MYLK4: variants seen among roughly 807,000 people sequenced by gnomAD.
MYLK4 encodes the protein myosin light chain kinase family member 4, also known as caMLCK like.
In MYLK4, 46 loss-of-function variants were observed where a neutral mutation model predicts 48.1. The observed-to-expected ratio is 0.96, with a 90% CI of 0.75 to 1.22. The LOEUF (loss-of-function observed/expected upper bound fraction) is 1.22. MYLK4 is among the 50% of genes most tolerant of loss of function. MYLK4 has a pLI of 0.00. For synonymous variants in MYLK4, 170 were observed against 180.8 expected (o/e 0.94, Z 0.48); for missense variants, 451 against 486.1 (o/e 0.93, Z 0.68).
intron 2 of MYLK4, among the ~76,000 whole-genome samples, chr6:2,707,782 G>T (rs1463052283): frequency 6.6e-6 from 1 of 151,956 alleles, no homozygotes; most frequent in Non-Finnish European, 1.5e-5. Flanking sequence ...AAGAAAATCT[G>T]CATTCTATAA....
chr6:2,680,611 C>G, intron 7 of MYLK4: 1 of 969,490 alleles, frequency 1.0e-6, no homozygotes, highest in Non-Finnish European at 1.2e-6. Flanking sequence ...TGTGGAGGCC[C>G]GCTCAGGCCT....
upstream of MYLK4, among the ~76,000 whole-genome samples, chr6:2,755,282 A>C (rs1248798804): frequency 6.6e-6 from 1 of 152,194 alleles, no homozygotes; most frequent in East Asian, 1.9e-4. Flanking sequence ...ATTTGCAAGC[A>C]TAGTACAATG....
At chr6:2,727,831 C>T (rs1763329523) in intron 2 of MYLK4, among the ~76,000 whole-genome samples, 1 of 151,676 alleles carries the variant, frequency 6.6e-6, no homozygotes, top group Non-Finnish European at 1.5e-5. Flanking sequence ...CCTGTAATCC[C>T]AACTACTCAG....
intron 2 of MYLK4, among the ~76,000 whole-genome samples, chr6:2,720,929 G>A (rs1763047535): frequency 6.6e-6 from 1 of 152,114 alleles, no homozygotes; most frequent in African/African-American, 2.4e-5. Context: ...TTGGGAGGTT[G>A]AGGTGGGTGG....
chr6:2,711,219 G>A (rs1762663125), intron 2 of MYLK4, among the ~76,000 whole-genome samples: 1 of 152,236 alleles, frequency 6.6e-6, no homozygotes, highest in Admixed American at 6.5e-5. Context: ...TTGTTATCCA[G>A]TTTCCATGCC....
intron 2 of MYLK4, among the ~76,000 whole-genome samples, chr6:2,701,444 A>G (rs1347762654): frequency 6.6e-6 from 1 of 152,126 alleles, no homozygotes; most frequent in Non-Finnish European, 1.5e-5. Context: ...AGGAATATTT[A>G]GAGATCTGCG....
intron 10 of MYLK4, among the ~76,000 whole-genome samples, chr6:2,676,476 T>C (rs1158324428): frequency 6.6e-6 from 1 of 152,240 alleles, no homozygotes; most frequent in African/African-American, 2.4e-5. Flanking sequence ...TGTACTCTAG[T>C]GTCGAACTTC....
At chr6:2,691,050 TC>T (rs1318355986) in intron 3 of MYLK4, among the ~76,000 whole-genome samples, 1 of 152,102 alleles carries the variant, frequency 6.6e-6, no homozygotes, top group Non-Finnish European at 1.5e-5. Context: ...CAGGATGGTC[TC>T]CATCTCCTGA....
chr6:2,693,439 G>T (rs1761891267), intron 2 of MYLK4, among the ~76,000 whole-genome samples: 1 of 152,182 alleles, frequency 6.6e-6, no homozygotes. Flanking sequence ...CTTTATAAAT[G>T]GAACCTTTAC....
At chr6:2,739,542 T>C (rs1026602618) in intron 2 of MYLK4, among the ~76,000 whole-genome samples, 7 of 152,214 alleles carry the variant, frequency 4.6e-5, no homozygotes, top group African/African-American at 2.4e-5. Context: ...ACAACCTGTG[T>C]GCATCTGAAA....
the MYLK4 span, chr6:2,765,501 C>A: frequency 2.5e-6 from 3 of 1,208,822 alleles, no homozygotes; most frequent in South Asian, 8.2e-5. Flanking sequence ...GGCCCGCGAG[C>A]GTCCTGCTGG....
In MYLK4 at chr6:2,683,173, A is replaced by G. The variant is rs772213305; in HGVS notation, c.546-11T>C. ...TCCCCACCATCCACACTGCAGAGGG[A>G]AGAGGACTGAAACCCTCAGTCCCGA... On this transcript the variant is annotated splice_polypyrimidine_tract_variant and intron_variant, in intron 6 of 12. Transcript: ENST00000274643. The G allele has an allele frequency of 3.7e-6, 6 of 1,613,982 alleles. No individual in the cohort carries two copies. The highest frequency in any genetic ancestry group is 1.7e-5 in the Admixed American group (1 of 59,998).
In MYLK4 at chr6:2,680,280, G is replaced by T. The variant is rs143186464; in HGVS notation, c.699C>A (p.Ile233=). 5 of 1,613,890 alleles carry T rather than the reference G, an allele frequency of 3.1e-6. No individual in the cohort carries two copies. In the African/African-American group the frequency reaches 5.3e-5, roughly 17 times the overall value. The change falls in exon 8 of 13, where the codon ATC becomes ATA. Residue 233 remains isoleucine, a synonymous_variant. Coordinates refer to ENST00000274643, the MANE Select transcript of MYLK4 (RefSeq NM_001012418.5). ...GCTTAGCATCCCGATTCACACACAG[G>T]ATATTCTCAGGCTGCCAGGAGAAAG... ...ILHLDLKPEN[I]LCVNRDAKQI...
chr6:2,678,131 T>C (rs1008453038), intron 10 of MYLK4, 89 bp downstream of exon 10: 3 of 1,474,306 alleles, frequency 2.0e-6, no homozygotes, highest in Admixed American at 2.0e-5. Context: ...CAGATGTTAG[T>C]AAGAGAATAA....
chr6:2,767,398 A>G, the MYLK4 span, among the ~76,000 whole-genome samples: 1 of 152,260 alleles, frequency 6.6e-6, no homozygotes, highest in African/African-American at 2.4e-5. Flanking sequence ...TCGTTTGCAC[A>G]CAAGGCTTTT....
At chr6:2,683,239 T>G in intron 6 of MYLK4, 77 bp from the exon 7 acceptor site, 4 of 1,507,358 alleles carry the variant, frequency 2.7e-6, no homozygotes. Flanking sequence ...TGACTTGTCG[T>G]GCAAGTTCTG....
At chr6:2,706,213 T>TA (rs11409280) in intron 2 of MYLK4, among the ~76,000 whole-genome samples, 130,716 of 152,180 alleles carry the variant, frequency 0.86, 56,219 homozygotes, top group Admixed American at 0.89. Context: ...TATTGTATAC[T>TA]GTTTTCTGTG....
the MYLK4 span, among the ~76,000 whole-genome samples, chr6:2,763,570 T>C: frequency 6.6e-6 from 1 of 152,190 alleles, no homozygotes; most frequent in Non-Finnish European, 1.5e-5. Context: ...GCGCGAGGCT[T>C]ATCTGAGCCT....
chr6:2,744,046 GC>G (rs1763984765), intron 2 of MYLK4: 1 of 398,948 alleles, frequency 2.5e-6, no homozygotes, highest in South Asian at 1.3e-4. Context: ...TTCTTTGGGA[GC>G]AGCTGTGGAT....
Sources: gnomAD v4.1 joint callset for allele counts (sites outside exome capture counted in the v4.1 genomes callset) on GRCh38, gnomAD v4.1.1 for gene constraint, MANE v1.5 for transcripts, NCBI Gene and HGNC (gene_info 2026-07-23, HGNC 2026-07-21) for gene names.